Variants in DIPK1A observed in about 807,000 individuals in gnomAD.
DIPK1A encodes family with sequence similarity 69 member A.
In DIPK1A, 27 loss-of-function variants were observed where a neutral mutation model predicts 40.8. The ratio of observed to expected loss-of-function variants is 0.66; its 90% CI spans 0.49 to 0.91. The LOEUF (loss-of-function observed/expected upper bound fraction) is 0.91, where lower values mean the gene tolerates loss of function less well. DIPK1A is among the 40% of genes least tolerant of loss of function. DIPK1A has a pLI of 0.00. For missense variants in DIPK1A, 412 were observed against 505.7 expected, an observed-to-expected ratio of 0.81 and a Z score of 1.78; for synonymous variants, 166 against 171.3, an observed-to-expected ratio of 0.97 and a Z score of 0.24.
In DIPK1A at chr1:92,961,260, G is replaced by A. The variant is rs575356770; in HGVS notation, c.54+116C>T. ...GTGCCGGACGGCAGGGGGCAGCGGG[G>A]TTCGGGCGGGCACAGACCCAGGGAG... On this transcript the variant is annotated intron_variant, in intron 1 of 4. Transcript: ENST00000370310. The A allele has an allele frequency of 1.3e-3, 786 of 598,592 alleles. 7 individuals carry two copies. In the African/African-American group the frequency reaches 0.014, roughly 10 times the overall value. The allele number at this position is 598,592 out of a possible 1,614,324, so 37.1% of individuals were successfully genotyped here. A position where few individuals can be genotyped will look rare whatever the true frequency, so the allele number is the denominator to read the frequency against.
chr1:92,866,628 T>C (rs571132375), intron 2 of DIPK1A, among the ~76,000 whole-genome samples: 18 of 152,358 alleles, frequency 1.2e-4, no homozygotes, highest in Admixed American at 1.1e-3. Flanking sequence ...TAGGTGTTGC[T>C]GTGAGGGTAT....
At chr1:92,852,448 C>G (rs752328035) in intron 2 of DIPK1A, among the ~76,000 whole-genome samples, 2 of 151,148 alleles carry the variant, frequency 1.3e-5, no homozygotes, top group Non-Finnish European at 2.9e-5. Context: ...TGCAGTGAGC[C>G]GAGATCACAC....
intron 1 of DIPK1A, among the ~76,000 whole-genome samples, chr1:92,943,262 G>A (rs1651236441): frequency 6.6e-6 from 1 of 152,220 alleles, no homozygotes; most frequent in Admixed American, 6.5e-5. Flanking sequence ...AAATGGAATT[G>A]TGTTGATGGA....
At chr1:92,837,876 G>T (rs1687188992), downstream of DIPK1A, 1 of 519,672 alleles carries the variant, frequency 1.9e-6, no homozygotes, top group African/African-American at 1.9e-5. Context: ...TGTAATCATA[G>T]TTGTAATCTG....
Position 92,843,013 on chromosome 1 carries a change from C to T in DIPK1A, c.*370G>A. The T allele has an allele frequency of 1.0e-6, 1 of 996,508 alleles. No individual in the cohort carries two copies. Among genetic ancestry groups the T allele is most frequent in the Non-Finnish European group, 1.2e-6 (1 of 837,464 alleles). 61.7% of individuals were successfully genotyped at this position (996,508 alleles called of 1,614,324 possible). A position where few individuals can be genotyped will look rare whatever the true frequency, so the allele number is the denominator to read the frequency against. On this transcript the variant is annotated 3_prime_UTR_variant, in exon 5 of 5. Coordinates refer to ENST00000370310, the MANE Select transcript of DIPK1A (RefSeq NM_001006605.5). ...ATTTATAAATTTTCTTGTTGAACAG[C>T]AGCTTCAATGCAAACACAATGCTTC...
intron 1 of DIPK1A, among the ~76,000 whole-genome samples, chr1:92,899,498 T>C (rs1649320804): frequency 6.6e-6 from 1 of 152,220 alleles, no homozygotes; most frequent in South Asian, 2.1e-4. Context: ...TTTTCATCCA[T>C]TCAGCCAGTC....
intron 1 of DIPK1A, among the ~76,000 whole-genome samples, chr1:92,950,924 G>A (rs1651610725): frequency 6.6e-6 from 1 of 152,096 alleles, no homozygotes. Flanking sequence ...AAGAAACAAA[G>A]TATTTTAAGA....
At chr1:92,889,289 C>A (rs964085711) in intron 1 of DIPK1A, among the ~76,000 whole-genome samples, 1 of 152,182 alleles carries the variant, frequency 6.6e-6, no homozygotes, top group Non-Finnish European at 1.5e-5. Flanking sequence ...ATGTTCCTGG[C>A]ACCTTCATCA....
chr1:92,915,072 A>G (rs1349293709), intron 1 of DIPK1A, among the ~76,000 whole-genome samples: 1 of 135,442 alleles, frequency 7.4e-6, no homozygotes, highest in African/African-American at 3.1e-5. Flanking sequence ...TGGGTGACAG[A>G]GCAAGACTGT....
At chr1:92,952,448 G>C (rs577457282) in intron 1 of DIPK1A, among the ~76,000 whole-genome samples, 37 of 152,112 alleles carry the variant, frequency 2.4e-4, no homozygotes, top group Non-Finnish European at 5.0e-4. Context: ...GGTGAAACCT[G>C]GTCTCTACAA....
chr1:92,912,032 G>C (rs202077136), intron 1 of DIPK1A, among the ~76,000 whole-genome samples: 7 of 131,382 alleles, frequency 5.3e-5, no homozygotes, highest in Non-Finnish European at 1.1e-4. Flanking sequence ...AAAAAAAAAA[G>C]GGTACGTTTA....
At chr1:92,959,740 TTTTTTG>T (rs1377692836) in intron 1 of DIPK1A, among the ~76,000 whole-genome samples, 4 of 146,072 alleles carry the variant, frequency 2.7e-5, no homozygotes, top group African/African-American at 5.0e-5. Flanking sequence ...GCCTGGCCGT[TTTTTTG>T]TTTTTGTTTT....
chr1:92,833,359 A>C (rs376462650), intron 4 of DIPK1A: 5 of 1,556,752 alleles, frequency 3.2e-6, no homozygotes, highest in Non-Finnish European at 4.4e-6. Flanking sequence ...TAAGACATCA[A>C]AGTTTTAATA....
intron 2 of DIPK1A, among the ~76,000 whole-genome samples, chr1:92,873,918 T>C (rs1212463106): frequency 6.6e-6 from 1 of 152,138 alleles, no homozygotes; most frequent in Non-Finnish European, 1.5e-5. Flanking sequence ...GCTTTTTAGT[T>C]CTAATCCCAC....
At chr1:92,903,794 C>T (rs1386827788) in intron 1 of DIPK1A, among the ~76,000 whole-genome samples, 1 of 152,054 alleles carries the variant, frequency 6.6e-6, no homozygotes, top group African/African-American at 2.4e-5. Context: ...TTATGTGGGC[C>T]CAGGCAATGA....
chr1:92,930,392 C>T (rs890747402), intron 1 of DIPK1A, among the ~76,000 whole-genome samples: 3 of 151,994 alleles, frequency 2.0e-5, no homozygotes, highest in Non-Finnish European at 4.4e-5. Flanking sequence ...TGGAGATTTC[C>T]TTTGCTTGCT....
intron 1 of DIPK1A, among the ~76,000 whole-genome samples, chr1:92,944,741 TTCC>T: frequency 6.6e-6 from 1 of 152,190 alleles, no homozygotes. Context: ...CACGGGATTC[TTCC>T]ACCTTAGCCT....
chr1:92,872,069 C>CTTTTTTTTTTTTTTTTT (rs148010880), intron 2 of DIPK1A, among the ~76,000 whole-genome samples: 1 of 67,936 alleles, frequency 1.5e-5, no homozygotes, highest in Non-Finnish European at 2.6e-5. Flanking sequence ...TTCTTTAAAT[C>CTTTTTTTTTTTTTTTTT]TTTTTTTTTT....
chr1:92,837,426 T>C (rs546946459), downstream of DIPK1A: 2 of 1,585,606 alleles, frequency 1.3e-6, no homozygotes, highest in African/African-American at 1.3e-5. Context: ...TAAGTGAGTC[T>C]ATACTAAAAT....
Sources: gnomAD v4.1 joint callset for allele counts (sites outside exome capture counted in the v4.1 genomes callset) on GRCh38, gnomAD v4.1.1 for gene constraint, MANE v1.5 for transcripts, NCBI Gene and HGNC (gene_info 2026-07-23, HGNC 2026-07-21) for gene names.